The following DNAJC6 variants were observed in gnomAD, a reference collection of about 807,000 sequenced individuals.
DNAJC6 encodes DnaJ heat shock protein family (Hsp40) member C6.
DNAJC6 carries 34 observed loss-of-function variants against 110.0 expected under a neutral mutation model. That is an observed-to-expected ratio of 0.31 (90% confidence interval 0.24 to 0.41). The LOEUF is 0.41. Ranked by LOEUF, DNAJC6 falls within the 10% of genes least tolerant of loss-of-function variation. The pLI is 1.00. For missense variants in DNAJC6, 1,031 were observed against 1,207.8 expected, an observed-to-expected ratio of 0.85 and a Z score of 2.17; for synonymous variants, 406 against 437.2, an observed-to-expected ratio of 0.93 and a Z score of 0.89.
Position 65,272,046 on chromosome 1 carries a change from T to A in DNAJC6, c.-131+7114T>A, listed in dbSNP as rs1263132750. 2.0e-5 allele frequency among the ~76,000 whole-genome samples: 3 copies of A among 152,148 alleles called. No individual in the cohort carries two copies. In the East Asian group the frequency reaches 5.8e-4, roughly 29 times the overall value. ...TTTTTCTTCTTTCTGATCCTTATAC[T>A]TTTTCCCCTTTGTCTCATTGCACTA... On this transcript the variant is annotated intron_variant, in intron 1 of 19. Coordinates refer to the DNAJC6 transcript ENST00000263441.
Position 65,413,213 on chromosome 1 carries a change from A to G in DNAJC6, c.*188A>G, listed in dbSNP as rs1646144572. 3.7e-6 allele frequency: 2 copies of G among 542,426 alleles called. No individual in the cohort carries two copies. Among genetic ancestry groups the G allele is most frequent in the Non-Finnish European group, 6.5e-6 (2 of 309,134 alleles). The allele number at this position is 542,426 out of a possible 1,614,324, so 33.6% of individuals were successfully genotyped here. Reference sequence around the variant, plus strand: ...GTTTGGTTTCTCCAAAGTTCCCACCATAAAAGATCCAAAGCATGAGAGGAA... The same window carrying G: ...GTTTGGTTTCTCCAAAGTTCCCACCGTAAAAGATCCAAAGCATGAGAGGAA... On this transcript the variant is annotated 3_prime_UTR_variant, in exon 19 of 19. Coordinates refer to ENST00000371069, the MANE Select transcript of DNAJC6 (RefSeq NM_001256864.2).
At chr1:65,352,645 A>C (rs933809055) in intron 1 of DNAJC6, among the ~76,000 whole-genome samples, 3 of 152,198 alleles carry the variant, frequency 2.0e-5, no homozygotes, top group African/African-American at 7.2e-5. Context: ...TAGCATATAT[A>C]CCCTTACCTT....
At chr1:65,362,001 C>T (rs778648544) in intron 1 of DNAJC6, among the ~76,000 whole-genome samples, 1 of 152,022 alleles carries the variant, frequency 6.6e-6, no homozygotes, top group African/African-American at 2.4e-5. Context: ...AAATAGAAAA[C>T]CATTTATGTA....
intron 1 of DNAJC6, among the ~76,000 whole-genome samples, chr1:65,320,687 C>T (rs1645190159): frequency 1.3e-5 from 2 of 152,122 alleles, no homozygotes; most frequent in Admixed American, 6.5e-5. Context: ...ATAGATAAGA[C>T]CTTGGCACTT....
upstream of DNAJC6, among the ~76,000 whole-genome samples, chr1:65,304,902 T>C (rs1289951632): frequency 6.6e-6 from 1 of 152,188 alleles, no homozygotes; most frequent in Non-Finnish European, 1.5e-5. Context: ...ACTAAAATGT[T>C]TTTCATTTTA....
At chr1:65,282,570 A>C (rs1469699849) in intron 1 of DNAJC6, among the ~76,000 whole-genome samples, 1 of 152,180 alleles carries the variant, frequency 6.6e-6, no homozygotes, top group Non-Finnish European at 1.5e-5. Flanking sequence ...AAATCAAGAT[A>C]TTAACCTGTC....
At chr1:65,365,212 T>C (rs1645634834) in intron 2 of DNAJC6, among the ~76,000 whole-genome samples, 1 of 152,186 alleles carries the variant, frequency 6.6e-6, no homozygotes, top group Admixed American at 6.5e-5. Context: ...CGGATTGTAA[T>C]CAAATCAGAA....
rs115387747 is a variant in DNAJC6, at chr1:65,318,149, G to A, written c.193+8211G>A. 1.1e-3 allele frequency among the ~76,000 whole-genome samples: 174 copies of A among 152,098 alleles called. 1 individual carries two copies. Among genetic ancestry groups the A allele is most frequent in the African/African-American group, 4.1e-3 (168 of 41,476 alleles). ...GAAGATTTGGAGATGGGGTGAGGTA[G>A]GGCTGACTTATCTACTAGGCACAGT... On this transcript the variant is annotated intron_variant, in intron 1 of 18. Coordinates refer to ENST00000371069, the MANE Select transcript of DNAJC6 (RefSeq NM_001256864.2).
chr1:65,393,313 G>A (rs1277344501), intron 12 of DNAJC6, among the ~76,000 whole-genome samples: 1 of 152,156 alleles, frequency 6.6e-6, no homozygotes, highest in Non-Finnish European at 1.5e-5. Context: ...TGAGGAAATG[G>A]AAGCATAGAA....
intron 4 of DNAJC6, among the ~76,000 whole-genome samples, chr1:65,375,163 C>G (rs1645749137): frequency 6.6e-6 from 1 of 151,892 alleles, no homozygotes. Context: ...GGGGTTTCAC[C>G]ATGTTGGCCA....
At chr1:65,367,212 A>C (rs1050557204) in intron 4 of DNAJC6, among the ~76,000 whole-genome samples, 3 of 152,166 alleles carry the variant, frequency 2.0e-5, no homozygotes, top group Non-Finnish European at 4.4e-5. Context: ...CTTCTGATTC[A>C]GAAGGACAAG....
At chr1:65,313,724 T>A (rs1317916186) in intron 1 of DNAJC6, among the ~76,000 whole-genome samples, 7 of 152,220 alleles carry the variant, frequency 4.6e-5, no homozygotes, top group Non-Finnish European at 7.3e-5. Flanking sequence ...ATGTAATGGC[T>A]TTCTAAGTCA....
chr1:65,345,366 T>C (rs1645427688), intron 1 of DNAJC6, among the ~76,000 whole-genome samples: 1 of 151,996 alleles, frequency 6.6e-6, no homozygotes, highest in Non-Finnish European at 1.5e-5. Context: ...AGGTGACAAA[T>C]ACTCATCCAT....
chr1:65,308,242 A>AAGATGT (rs1645062697), upstream of DNAJC6, among the ~76,000 whole-genome samples: 1 of 152,242 alleles, frequency 6.6e-6, no homozygotes, highest in Non-Finnish European at 1.5e-5. Context: ...AGAAGAAAGC[A>AAGATGT]AAGCTGGCTT....
chr1:65,272,697 T>C (rs1042617570), intron 1 of DNAJC6, among the ~76,000 whole-genome samples: 1 of 61,918 alleles, frequency 1.6e-5, no homozygotes, highest in African/African-American at 3.8e-5. Flanking sequence ...TTTTTTTGTT[T>C]GTTTGTTTAT....
chr1:65,412,954 A>G lies in DNAJC6; in HGVS notation c.2842A>G (p.Lys948Glu), dbSNP rs779283041. 1.2e-6 allele frequency: 2 copies of G among 1,614,098 alleles called. No individual in the cohort carries two copies. Among genetic ancestry groups the G allele is most frequent in the South Asian group, 2.2e-5 (2 of 91,082 alleles). The change falls in exon 19 of 19, where the codon AAG (lysine) becomes GAG (glutamate). Residue 948 changes from lysine (K) to glutamate (E), a missense_variant. Coordinates refer to ENST00000371069, the MANE Select transcript of DNAJC6 (RefSeq NM_001256864.2). ...ATGQPYEQYAKMIFMELNDAW... is the reference protein window; with the variant it reads ...ATGQPYEQYAEMIFMELNDAW... ...TGGGCAACCCTATGAACAATACGCA[A>G]AGATGATTTTCATGGAGCTCAATGA...
upstream of DNAJC6, among the ~76,000 whole-genome samples, chr1:65,305,113 G>A (rs1042754844): frequency 5.3e-5 from 8 of 152,212 alleles, no homozygotes; most frequent in Non-Finnish European, 1.0e-4. Flanking sequence ...TTGAAGAGAC[G>A]CATTTTAGAA....
chr1:65,404,239 C>T (rs1172319522), intron 15 of DNAJC6, among the ~76,000 whole-genome samples: 1 of 152,122 alleles, frequency 6.6e-6, no homozygotes, highest in Admixed American at 6.5e-5. Flanking sequence ...TTTATTGAGC[C>T]CTGAAGATGT....
chr1:65,279,191 T>G (rs1342531769), intron 1 of DNAJC6: 2 of 984,084 alleles, frequency 2.0e-6, no homozygotes, highest in Non-Finnish European at 2.4e-6. Flanking sequence ...GAATAACATT[T>G]CTACAACTTT....
Sources: allele counts gnomAD v4.1 joint callset (sites outside exome capture counted in the v4.1 genomes callset), GRCh38; gene constraint gnomAD v4.1.1; transcripts MANE v1.5; gene names NCBI Gene and HGNC (gene_info 2026-07-23, HGNC 2026-07-21).